The following ARHGAP44 variants were observed in gnomAD, a reference collection of about 807,000 sequenced individuals.
ARHGAP44 encodes rho GTPase-activating protein 44.
A neutral mutation model predicts 106.8 loss-of-function variants in ARHGAP44; 43 were observed. That is an observed-to-expected ratio of 0.40 (90% CI 0.32 to 0.52). The LOEUF (loss-of-function observed/expected upper bound fraction) is 0.52. Ranked by LOEUF, ARHGAP44 falls within the 20% of genes least tolerant of loss-of-function variation. The pLI is 0.48. For missense variants in ARHGAP44, 866 were observed against 1,050.5 expected (o/e 0.82, Z 2.43); for synonymous variants, 439 against 410.3 (o/e 1.07, Z -0.85).
At chr17:12,910,044 T>C (rs558099239) in intron 4 of ARHGAP44, among the ~76,000 whole-genome samples, 2 of 152,272 alleles carry the variant, frequency 1.3e-5, no homozygotes, top group Admixed American at 6.5e-5. Context: ...TCTTCAAGTA[T>C]TGAGCGAAAA....
At chr17:12,903,134 A>T (rs1377082166) in intron 3 of ARHGAP44, among the ~76,000 whole-genome samples, 1,330 of 126,474 alleles carry the variant, frequency 0.011, 8 homozygotes, top group East Asian at 0.017. Context: ...GAGGAGAGAG[A>T]GAGAGAGTGT....
rs1490592862 is a variant in ARHGAP44, at chr17:12,984,640, G to A, written c.2049G>A (p.Pro683=). 57 of 759,412 alleles carry A rather than the reference G, an allele frequency of 7.5e-5. No individual in the cohort carries two copies. The highest frequency in any genetic ancestry group is 1.1e-4 in the Non-Finnish European group (52 of 467,976). 47.0% of individuals were successfully genotyped at this position (759,412 alleles called of 1,614,324 possible). A position where few individuals can be genotyped will look rare whatever the true frequency, so the allele number is the denominator to read the frequency against. Residue 683 remains proline, a synonymous_variant, in exon 20 of 21, where the codon CCG becomes CCA. Transcript: ENST00000379672. The part of the protein sequence containing the change: ...QPSPVSLSPT[P]PSTPSPYGLS... ...CCCCAGTCAGCCTGTCCCCCACCCC[G>A]CCCAGCACCCCGTCACCCTATGGAC...
chr17:12,797,024 G>C (rs1338302929), intron 1 of ARHGAP44, among the ~76,000 whole-genome samples: 1 of 151,996 alleles, frequency 6.6e-6, no homozygotes, highest in Non-Finnish European at 1.5e-5. Flanking sequence ...TTGATGTTAA[G>C]GTAATTTTTA....
rs181569189 is a variant in ARHGAP44 at position 12,933,873 on chromosome 17, G to A, written c.582+4827G>A. 3.9e-3 allele frequency among the ~76,000 whole-genome samples: 562 copies of A among 144,276 alleles called. 3 individuals are homozygous for A. The highest frequency in any genetic ancestry group is 0.014 in the African/African-American group (527 of 38,484). The allele number at this position is 144,276 out of a possible 152,430, so 94.7% of individuals were successfully genotyped here. On this transcript the variant is annotated intron_variant, in intron 7 of 20. Coordinates refer to ENST00000379672, the MANE Select transcript of ARHGAP44 (RefSeq NM_014859.6). Reference sequence around the variant, plus strand: ...TCTTTTTTTTTTTTTTTTTGAGACGGTGTCTGGCTCTGTCGCCCAGGCTGG... The same window carrying A: ...TCTTTTTTTTTTTTTTTTTGAGACGATGTCTGGCTCTGTCGCCCAGGCTGG...
At chr17:12,809,740 C>G (rs1323832869) in intron 1 of ARHGAP44, among the ~76,000 whole-genome samples, 1 of 152,060 alleles carries the variant, frequency 6.6e-6, no homozygotes, top group East Asian at 1.9e-4. Context: ...ATTACGCAGT[C>G]AAAGTGAGAT....
intron 1 of ARHGAP44, among the ~76,000 whole-genome samples, chr17:12,866,410 C>T (rs2036240909): frequency 6.6e-6 from 1 of 152,138 alleles, no homozygotes. Flanking sequence ...ACATAATCAG[C>T]ACCCTGCCTT....
At chr17:12,942,552 A>G (rs1196303746) in intron 8 of ARHGAP44, among the ~76,000 whole-genome samples, 2 of 152,228 alleles carry the variant, frequency 1.3e-5, no homozygotes, top group Non-Finnish European at 2.9e-5. Flanking sequence ...AGTTTTACTG[A>G]TGACCTCATT....
chr17:12,984,931 C>T, intron 20 of ARHGAP44, 23 bp downstream of exon 20: 1 of 1,576,470 alleles, frequency 6.3e-7, no homozygotes, highest in Non-Finnish European at 8.6e-7. Flanking sequence ...CAGGCTCCCT[C>T]ACTTTTTTTT....
At chr17:12,969,012 G>A (rs1022650784) in intron 16 of ARHGAP44, among the ~76,000 whole-genome samples, 6 of 152,072 alleles carry the variant, frequency 3.9e-5, no homozygotes, top group Admixed American at 2.0e-4. Flanking sequence ...TTCATGATCC[G>A]CCCACCTTGG....
chr17:12,955,091 T>C lies in ARHGAP44; in HGVS notation c.1137-776T>C, dbSNP rs78847713. Among the ~76,000 whole-genome samples the C allele has an allele frequency of 3.7e-3, 571 of 152,368 alleles. 17 individuals carry two copies. Among genetic ancestry groups the C allele is most frequent in the Admixed American group, 0.032 (496 of 15,310 alleles). On this transcript the variant is annotated intron_variant, in intron 13 of 20. Coordinates refer to ENST00000379672, the MANE Select transcript of ARHGAP44 (RefSeq NM_014859.6). ...AGATCTGCCTATTCTAGGCATTTCA[T>C]ATAAGTGGAATACTATAATATGTGG...
At chr17:12,831,703 G>A (rs2035094074) in intron 1 of ARHGAP44, among the ~76,000 whole-genome samples, 1 of 152,174 alleles carries the variant, frequency 6.6e-6, no homozygotes, top group South Asian at 2.1e-4. Context: ...CTCCTGAATT[G>A]TAGGAGATGT....
intron 1 of ARHGAP44, among the ~76,000 whole-genome samples, chr17:12,828,880 A>G (rs1007320869): frequency 6.6e-6 from 1 of 151,826 alleles, no homozygotes; most frequent in Non-Finnish European, 1.5e-5. Context: ...TGACCTCGTG[A>G]TCCGCCCACC....
At chr17:12,982,268 T>A (rs970608608) in intron 19 of ARHGAP44, among the ~76,000 whole-genome samples, 1 of 152,164 alleles carries the variant, frequency 6.6e-6, no homozygotes, top group Non-Finnish European at 1.5e-5. Flanking sequence ...ACATTTCTTC[T>A]CTACTCCCCA....
chr17:12,948,477 C>T (rs963946551), intron 10 of ARHGAP44, among the ~76,000 whole-genome samples: 16 of 152,056 alleles, frequency 1.1e-4, no homozygotes, highest in Non-Finnish European at 1.9e-4. Context: ...CAAGACCAGC[C>T]TGGCCAACAT....
chr17:12,813,920 A>T (rs1027319565), intron 1 of ARHGAP44, among the ~76,000 whole-genome samples: 1 of 151,882 alleles, frequency 6.6e-6, no homozygotes, highest in Admixed American at 6.6e-5. Flanking sequence ...TGCCGTCGTG[A>T]CTCATTGCCC....
intron 1 of ARHGAP44, among the ~76,000 whole-genome samples, chr17:12,838,358 T>C (rs760086362): frequency 6.6e-6 from 1 of 152,190 alleles, no homozygotes; most frequent in Non-Finnish European, 1.5e-5. Flanking sequence ...AGAAAACACA[T>C]ACAAAAGTTG....
At position 12,952,592 on chromosome 17, in the gene ARHGAP44, A is replaced by G. The variant is rs111687632; in HGVS notation, c.1136+11A>G. ...TCACAACAACATCCGGTAAGTGGAT[A>G]CTTACCAAGTATAGACACATGGCTT... On this transcript the variant is annotated intron_variant, in intron 13 of 20. Transcript: ENST00000379672. 12,583 of 1,553,350 alleles carry G rather than the reference A, an allele frequency of 8.1e-3. 82 individuals are homozygous for G. Among genetic ancestry groups the G allele is most frequent in the Admixed American group, 0.019 (976 of 51,960 alleles).
intron 1 of ARHGAP44, among the ~76,000 whole-genome samples, chr17:12,852,276 G>A (rs1156525881): frequency 8.6e-6 from 1 of 115,630 alleles, no homozygotes; most frequent in African/African-American, 3.5e-5. Context: ...CACTTTTGAA[G>A]CTTTTTTTTT....
At chr17:12,891,134 T>C (rs1677522230) in intron 1 of ARHGAP44, among the ~76,000 whole-genome samples, 1 of 152,212 alleles carries the variant, frequency 6.6e-6, no homozygotes, top group Non-Finnish European at 1.5e-5. Context: ...TTCTGAGCCC[T>C]CACCAGAATC....
Sources: gnomAD v4.1 joint callset for allele counts (sites outside exome capture counted in the v4.1 genomes callset) on GRCh38, gnomAD v4.1.1 for gene constraint, MANE v1.5 for transcripts, NCBI Gene and HGNC (gene_info 2026-07-23, HGNC 2026-07-21) for gene names.